PYGO1: variants seen among roughly 807,000 people sequenced by gnomAD.
The protein encoded by PYGO1 is pygopus homolog 1.
In PYGO1, 6 loss-of-function variants were observed where a neutral mutation model predicts 29.5. The observed-to-expected ratio is 0.20, with a 90% confidence interval of 0.11 to 0.40. PYGO1 has a LOEUF of 0.40. Among genes scored for constraint, PYGO1 ranks in the 10% least tolerant of loss-of-function variants. The pLI is 1.00. For missense variants in PYGO1, 515 were observed against 514.9 expected, an observed-to-expected ratio of 1.00 and a Z score of 0.00; for synonymous variants, 186 against 180.5, an observed-to-expected ratio of 1.03 and a Z score of -0.24.
chr15:55,555,703 G>A (rs2058901496), intron 1 of PYGO1, among the ~76,000 whole-genome samples: 1 of 151,926 alleles, frequency 6.6e-6, no homozygotes, highest in East Asian at 1.9e-4. Context: ...TGTAAATGGA[G>A]TAAATGGCCC....
At chr15:55,565,287 A>C (rs1411595221) in intron 1 of PYGO1, among the ~76,000 whole-genome samples, 1 of 152,052 alleles carries the variant, frequency 6.6e-6, no homozygotes, top group Non-Finnish European at 1.5e-5. Context: ...ATAAACCACC[A>C]CTGATAATCA....
At chr15:55,579,427 A>G (rs1299004937) in intron 1 of PYGO1, among the ~76,000 whole-genome samples, 1 of 152,264 alleles carries the variant, frequency 6.6e-6, no homozygotes, top group Non-Finnish European at 1.5e-5. Flanking sequence ...AAGTATAAAT[A>G]GAAAAAGGTA....
At chr15:55,576,980 A>G (rs912645511) in intron 1 of PYGO1, among the ~76,000 whole-genome samples, 2 of 148,068 alleles carry the variant, frequency 1.4e-5, no homozygotes, top group Non-Finnish European at 1.5e-5. Flanking sequence ...CTCCCATTCT[A>G]TTCCTAAATA....
At position 55,547,010 on chromosome 15, in the gene PYGO1, A is replaced by T. The variant is rs748979583; in HGVS notation, c.273T>A (p.Leu91=). The change falls in exon 3 of 3, where the codon CTT becomes CTA. Residue 91 remains leucine, a synonymous_variant. Transcript: ENST00000563719. ...YKPLPSSNPY[L]GPGYPGFGGY... is the part of the protein sequence containing the mutation. ...CTCCAAAGCCAGGATAACCAGGGCC[A>T]AGATATGGATTTGACGAAGGTAGTG... The T allele has an allele frequency of 7.4e-6, 12 of 1,614,124 alleles. No individual in the cohort carries two copies. Among genetic ancestry groups the T allele is most frequent in the Non-Finnish European group, 1.0e-5 (12 of 1,179,976 alleles).
At position 55,586,159 on chromosome 15, in the gene PYGO1, C is replaced by T. The variant is rs1034395173; in HGVS notation, c.49+1676G>A. 2.6e-5 allele frequency among the ~76,000 whole-genome samples: 4 copies of T among 152,196 alleles called. No homozygotes were observed. The East Asian group carries it at 7.7e-4, about 29-fold the overall frequency. ...GAATGACTGTGGTCCTTCATCTCTACATCACTTAAGTCAGCCGGAAATTTA... is the reference window on the plus strand; with the variant it reads ...GAATGACTGTGGTCCTTCATCTCTATATCACTTAAGTCAGCCGGAAATTTA... On this transcript the variant is annotated intron_variant, in intron 1 of 2. Coordinates refer to ENST00000563719, the MANE Select transcript of PYGO1 (RefSeq NM_001367806.1).
intron 1 of PYGO1, among the ~76,000 whole-genome samples, chr15:55,549,992 G>A (rs1275646406): frequency 6.6e-6 from 1 of 151,970 alleles, no homozygotes; most frequent in Non-Finnish European, 1.5e-5. Flanking sequence ...ATTTCAGAAT[G>A]TATTTCTAAA....
At chr15:55,560,126 G>A (rs1007317516) in intron 1 of PYGO1, among the ~76,000 whole-genome samples, 1 of 152,084 alleles carries the variant, frequency 6.6e-6, no homozygotes, top group Non-Finnish European at 1.5e-5. Flanking sequence ...ACTGGCAAAA[G>A]ACAAGGATGC....
intron 1 of PYGO1, among the ~76,000 whole-genome samples, chr15:55,574,336 G>C (rs192810329): frequency 6.6e-6 from 1 of 152,314 alleles, no homozygotes; most frequent in Non-Finnish European, 1.5e-5. Context: ...ATTTTATGCA[G>C]TTATGATTTA....
In PYGO1 at chr15:55,542,038, T is replaced by C. The variant is rs936623484; in HGVS notation, c.*3985A>G. 1 of 152,116 alleles carries C rather than the reference T, an allele frequency of 6.6e-6. No individual in the cohort carries two copies. The highest frequency in any genetic ancestry group is 1.5e-5 in the Non-Finnish European group (1 of 68,026). 9.4% of individuals were successfully genotyped at this position (152,116 alleles called of 1,614,324 possible). A position where few individuals can be genotyped will look rare whatever the true frequency, so the allele number is the denominator to read the frequency against. On this transcript the variant is annotated 3_prime_UTR_variant, in exon 3 of 3. Coordinates refer to ENST00000563719, the MANE Select transcript of PYGO1 (RefSeq NM_001367806.1). ...TGAAAAAGATATAAAACAGCACAAA[T>C]GTCCATGCATAAGAAACCTCTATAC...
upstream of PYGO1, chr15:55,588,891 C>T (rs369552373): frequency 6.3e-7 from 1 of 1,593,470 alleles, no homozygotes; most frequent in African/African-American, 1.3e-5. Context: ...TCCGCGTGGC[C>T]GTGGTGTGGA....
At chr15:55,586,123 A>G (rs2059045166) in intron 1 of PYGO1, among the ~76,000 whole-genome samples, 1 of 152,212 alleles carries the variant, frequency 6.6e-6, no homozygotes, top group Non-Finnish European at 1.5e-5. Context: ...ACATTGAACA[A>G]AAACAAAAAT....
chr15:55,579,149 A>G (rs1247287776), intron 1 of PYGO1, among the ~76,000 whole-genome samples: 1 of 152,234 alleles, frequency 6.6e-6, no homozygotes, highest in Non-Finnish European at 1.5e-5. Context: ...TTACCAATTT[A>G]TAATTATTCA....
chr15:55,577,422 G>C (rs1013111955), intron 1 of PYGO1, among the ~76,000 whole-genome samples: 7 of 152,138 alleles, frequency 4.6e-5, no homozygotes, highest in African/African-American at 1.7e-4. Flanking sequence ...TATGTCATGG[G>C]TACATGCTTA....
chr15:55,572,553 G>C (rs1344094021), intron 1 of PYGO1, among the ~76,000 whole-genome samples: 1 of 151,970 alleles, frequency 6.6e-6, no homozygotes, highest in Non-Finnish European at 1.5e-5. Context: ...TAAGCAAGTG[G>C]GAATACCTCA....
At chr15:55,567,020 C>T (rs1285840877) in intron 1 of PYGO1, among the ~76,000 whole-genome samples, 2 of 151,950 alleles carry the variant, frequency 1.3e-5, no homozygotes, top group African/African-American at 2.4e-5. Context: ...GCATGAGCCA[C>T]CCATGCCCAG....
intron 1 of PYGO1, among the ~76,000 whole-genome samples, chr15:55,579,837 G>A (rs1303136595): frequency 6.6e-6 from 1 of 152,162 alleles, no homozygotes. Context: ...AAATTCTGAC[G>A]CTTGAAATCA....
At chr15:55,587,678 G>A (rs1170722372) in intron 1 of PYGO1, among the ~76,000 whole-genome samples, 157 bp downstream of exon 1, 1 of 151,858 alleles carries the variant, frequency 6.6e-6, no homozygotes, top group African/African-American at 2.4e-5. Context: ...CCCGGGCCGC[G>A]CGCTCGGATC....
chr15:55,567,085 A>T (rs2058959885), intron 1 of PYGO1, among the ~76,000 whole-genome samples: 1 of 141,314 alleles, frequency 7.1e-6, no homozygotes, highest in African/African-American at 2.7e-5. Context: ...ATGGTATCTT[A>T]TTGTGGTTTT....
intron 1 of PYGO1, among the ~76,000 whole-genome samples, chr15:55,562,147 C>A (rs1436555530): frequency 6.6e-6 from 1 of 152,206 alleles, no homozygotes; most frequent in Non-Finnish European, 1.5e-5. Flanking sequence ...GAGATACCAT[C>A]TCACATCAGT....
Sources: allele counts gnomAD v4.1 joint callset (sites outside exome capture counted in the v4.1 genomes callset), GRCh38; gene constraint gnomAD v4.1.1; transcripts MANE v1.5; gene names NCBI Gene and HGNC (gene_info 2026-07-23, HGNC 2026-07-21).